The following TSKS variants were observed in gnomAD, a reference collection of about 807,000 sequenced individuals.
TSKS encodes testis-specific serine kinase substrate.
Under a neutral mutation model 68.0 loss-of-function variants are expected in TSKS, and 27 were observed. That is an observed-to-expected ratio of 0.40 (90% CI 0.29 to 0.55). The LOEUF (loss-of-function observed/expected upper bound fraction) is 0.55. Among genes scored for constraint, TSKS ranks in the 20% least tolerant of loss-of-function variants. The pLI is 0.53. For synonymous variants in TSKS, 331 were observed against 340.4 expected (o/e 0.97, Z 0.30); for missense variants, 806 against 776.0 (o/e 1.04, Z -0.46).
At chr19:49,740,282 C>A in intron 9 of TSKS, 99 bp from the exon 10 acceptor site, 1 of 1,412,420 alleles carries the variant, frequency 7.1e-7, no homozygotes, top group Non-Finnish European at 9.4e-7. Flanking sequence ...TCCCATGGGG[C>A]CCACATTTCT....
chr19:49,739,930 T>C lies in TSKS; in HGVS notation c.1625A>G (p.Glu542Gly). The stretch of plus-strand genomic sequence containing the variant: ...TAGATGGTCCAGAGTGGCCATCTTC[T>C]CCCTGTCATGAGGCAGCGGGGAGTT... ...LLLTDKMKPE[E>G]KMATLDHLHL... The change falls in exon 11 of 11, where the codon GAG becomes GGG. Residue 542 changes from glutamate (E) to glycine (G), a missense_variant and splice_region_variant. By Grantham distance (98) the Glu-to-Gly change is moderately conservative. Coordinates refer to ENST00000246801, the MANE Select transcript of TSKS (RefSeq NM_021733.2). The C allele has an allele frequency of 6.2e-7, 1 of 1,611,120 alleles. No individual in the cohort carries two copies. Among genetic ancestry groups the C allele is most frequent in the Non-Finnish European group, 8.5e-7 (1 of 1,177,718 alleles).
At position 49,740,960 on chromosome 19, in the gene TSKS, C is replaced by T. The variant is rs558707017; in HGVS notation, c.1498-777G>A. 6.7e-4 allele frequency among the ~76,000 whole-genome samples: 102 copies of T among 151,970 alleles called. 1 individual carries two copies. Among genetic ancestry groups the T allele is most frequent in the African/African-American group, 2.3e-3 (95 of 41,422 alleles). ...TTGGGAGGCTGAGGCAGGCGGATCA[C>T]GAGATCAGGAGATCGAGATCATCCT... On this transcript the variant is annotated intron_variant, in intron 9 of 10. Transcript: ENST00000246801.
chr19:49,750,316 T>G (rs951193863), intron 2 of TSKS, among the ~76,000 whole-genome samples: 15 of 150,360 alleles, frequency 1.0e-4, no homozygotes, highest in Non-Finnish European at 1.9e-4. Context: ...TGGAGTGCAG[T>G]GGCATGATCT....
intron 2 of TSKS, among the ~76,000 whole-genome samples, chr19:49,753,284 C>T (rs899510009): frequency 3.3e-5 from 5 of 151,974 alleles, no homozygotes; most frequent in East Asian, 3.9e-4. Flanking sequence ...TAAAATAGGC[C>T]GGGCGTGTTG....
intron 2 of TSKS, among the ~76,000 whole-genome samples, chr19:49,750,262 C>CTTT (rs34913477): frequency 2.2e-5 from 3 of 136,228 alleles, no homozygotes; most frequent in South Asian, 2.3e-4. Flanking sequence ...CATTGACATT[C>CTTT]TTTTTTTTTT....
chr19:49,759,895 C>T (rs1004441903), intron 2 of TSKS, among the ~76,000 whole-genome samples: 6 of 151,460 alleles, frequency 4.0e-5, no homozygotes, highest in Admixed American at 1.3e-4. Context: ...GGTTCATGCC[C>T]GTAATCCTAG....
intron 2 of TSKS, among the ~76,000 whole-genome samples, chr19:49,752,086 A>G (rs965028027): frequency 6.6e-6 from 1 of 150,830 alleles, no homozygotes; most frequent in Non-Finnish European, 1.5e-5. Flanking sequence ...ACAACAACAA[A>G]AAAATGTAAC....
At chr19:49,740,278 G>A in intron 9 of TSKS, 95 bp from the exon 10 acceptor site, 1 of 1,441,738 alleles carries the variant, frequency 6.9e-7, no homozygotes, top group Non-Finnish European at 9.2e-7. Flanking sequence ...AGGGTCCCAT[G>A]GGGCCCACAT....
At position 49,744,368 on chromosome 19, in the gene TSKS, C is replaced by A. The variant is rs1568560868; in HGVS notation, c.1224G>T (p.Arg408Ser). Residue 408 changes from arginine (R) to serine (S), a missense_variant, in exon 8 of 11, where the codon AGG becomes AGT. By Grantham distance (110) the Arg-to-Ser change is moderately radical. Transcript: ENST00000246801. ...ERSAVSVASL[R>S]SELEGLGPLK... The stretch of plus-strand genomic sequence containing the variant: ...GTGGGCCCAGCCCCTCCAGTTCGCT[C>A]CTCAGTGAAGCCACAGACACTGCTG... The A allele has an allele frequency of 6.2e-7, 1 of 1,614,082 alleles. No individual in the cohort carries two copies. The highest frequency in any genetic ancestry group is 2.2e-5 in the East Asian group (1 of 44,870).
At chr19:49,758,516 C>T (rs978258974) in intron 2 of TSKS, among the ~76,000 whole-genome samples, 7 of 152,284 alleles carry the variant, frequency 4.6e-5, no homozygotes, top group Admixed American at 2.0e-4. Context: ...GGGAGGCAAA[C>T]GGCTGCAAGT....
chr19:49,740,046 C>G lies in TSKS; in HGVS notation c.1622+13G>C. 1 of 1,614,142 alleles carries G rather than the reference C, an allele frequency of 6.2e-7. No homozygotes were observed. The highest frequency in any genetic ancestry group is 8.5e-7 in the Non-Finnish European group (1 of 1,180,020). ...TCTCACCCTCCTCCCATGCCCTCAG[C>G]CTCCTTCCTCACTCTGGCTTCATCT... On this transcript the variant is annotated intron_variant, in intron 10 of 10. Transcript: ENST00000246801.
In TSKS at chr19:49,761,345, C is replaced by G. The variant is rs1044770629; in HGVS notation, c.399+659G>C. Among the ~76,000 whole-genome samples the G allele has an allele frequency of 2.0e-5, 3 of 152,074 alleles. No individual in the cohort carries two copies. In the East Asian group the frequency reaches 5.8e-4, roughly 29 times the overall value. ...AGTTAAAGGACCCATTTGTAACCCT[C>G]TATACTTTTGCCAGAAATTCCCTAA... On this transcript the variant is annotated intron_variant, in intron 2 of 10. Coordinates refer to ENST00000246801, the MANE Select transcript of TSKS (RefSeq NM_021733.2).
rs2084317965 is a variant in TSKS, at chr19:49,748,108, C to T, written c.556G>A (p.Glu186Lys). ...ACCTTGAGTTGAATGCAGTACCCCT[C>T]CAACTCTTCTGCCTCTTGCCGCCTT... is the stretch of plus-strand genomic sequence containing the variant. ...ERRRQEAEELEGYCIQLKENC... is the reference protein window; with the variant it reads ...ERRRQEAEELKGYCIQLKENC... The change falls in exon 4 of 11, where the codon GAG (glutamate) becomes AAG (lysine). Residue 186 changes from glutamate (E) to lysine (K), a missense_variant. Coordinates refer to ENST00000246801, the MANE Select transcript of TSKS (RefSeq NM_021733.2). 5 of 1,614,160 alleles carry T rather than the reference C, an allele frequency of 3.1e-6. No homozygotes were observed. The highest frequency in any genetic ancestry group is 4.2e-6 in the Non-Finnish European group (5 of 1,180,030).
In TSKS at chr19:49,762,224, G is replaced by T; in HGVS notation, c.179C>A (p.Pro60His). 6.2e-7 allele frequency: 1 copy of T among 1,613,748 alleles called. No homozygotes were observed. Among genetic ancestry groups the T allele is most frequent in the Non-Finnish European group, 8.5e-7 (1 of 1,179,926 alleles). ...KKAVSFHGVE[P>H]QMSHQPMHWC... Reference sequence around the variant, plus strand: ...GTGCATGGGCTGATGGGACATCTGGGGCTCCACCCTGCAGAGAAGAAACAG... The same window carrying T: ...GTGCATGGGCTGATGGGACATCTGGTGCTCCACCCTGCAGAGAAGAAACAG... Residue 60 changes from proline to histidine, a missense_variant, in exon 2 of 11, where the codon CCC (proline) becomes CAC (histidine). Pro to His is a moderately conservative substitution (Grantham distance 77). Coordinates refer to ENST00000246801, the MANE Select transcript of TSKS (RefSeq NM_021733.2).
intron 7 of TSKS, among the ~76,000 whole-genome samples, chr19:49,744,993 A>T (rs1600188703): frequency 1.3e-5 from 2 of 151,424 alleles, no homozygotes; most frequent in South Asian, 2.1e-4. Context: ...TATAGACCAC[A>T]CCCCTTCTCT....
chr19:49,746,613 G>C lies in TSKS; in HGVS notation c.849C>G (p.Pro283=). 6.2e-7 allele frequency: 1 copy of C among 1,610,904 alleles called. No homozygotes were observed. Among genetic ancestry groups the C allele is most frequent in the Non-Finnish European group, 8.5e-7 (1 of 1,179,294 alleles). ...GTTTGTCGGGACTCCCTGGCGGGCC[G>C]GGGCAGCCCTGGGACGTGGCGGCGG... is the stretch of plus-strand genomic sequence containing the variant. ...LGPAATSQGC[P]GPPGSPDKPS... Residue 283 remains proline (P), a synonymous_variant, in exon 6 of 11, where the codon CCC becomes CCG. Coordinates refer to ENST00000246801, the MANE Select transcript of TSKS (RefSeq NM_021733.2).
chr19:49,761,652 G>A (rs1165703358), intron 2 of TSKS, among the ~76,000 whole-genome samples: 1 of 152,120 alleles, frequency 6.6e-6, no homozygotes, highest in Non-Finnish European at 1.5e-5. Context: ...GGGACATTTG[G>A]GAGTGACTGT....
chr19:49,743,717 C>G (rs7253777), intron 8 of TSKS, among the ~76,000 whole-genome samples: 46,935 of 150,690 alleles, frequency 0.31, 9,589 homozygotes, highest in African/African-American at 0.58. Flanking sequence ...AGCCAGGATG[C>G]TCTTGATCTC....
In TSKS at chr19:49,762,205, G is replaced by A; in HGVS notation, c.198C>T (p.Pro66=). The A allele has an allele frequency of 1.2e-6, 2 of 1,614,036 alleles. No individual in the cohort carries two copies. Among genetic ancestry groups the A allele is most frequent in the Non-Finnish European group, 1.7e-6 (2 of 1,180,010 alleles). The change falls in exon 2 of 11, where the codon CCC becomes CCT. Residue 66 remains proline, a synonymous_variant. Coordinates refer to ENST00000246801, the MANE Select transcript of TSKS (RefSeq NM_021733.2). ...HGVEPQMSHQ[P]MHWCLNLKRS... ...GTTTGAGGTTCAGGCACCAGTGCATGGGCTGATGGGACATCTGGGGCTCCA... is the reference window on the plus strand; with the variant it reads ...GTTTGAGGTTCAGGCACCAGTGCATAGGCTGATGGGACATCTGGGGCTCCA...
Sources: allele counts gnomAD v4.1 joint callset (sites outside exome capture counted in the v4.1 genomes callset), GRCh38; gene constraint gnomAD v4.1.1; transcripts MANE v1.5; gene names NCBI Gene and HGNC (gene_info 2026-07-23, HGNC 2026-07-21).